CDH12: variants seen among roughly 807,000 people sequenced by gnomAD.
CDH12 encodes the protein cadherin 12, also known as cadherin-12.
CDH12 carries 41 observed loss-of-function variants against 74.1 expected under a neutral mutation model. The ratio of observed to expected loss-of-function variants is 0.55; its 90% CI spans 0.43 to 0.72. CDH12 has a LOEUF of 0.72. Ranked by LOEUF, CDH12 falls within the 30% of genes least tolerant of loss-of-function variation. CDH12 has a pLI of 0.00. For synonymous variants in CDH12, 399 were observed against 355.0 expected, an observed-to-expected ratio of 1.12 and a Z score of -1.39; for missense variants, 945 against 977.2, an observed-to-expected ratio of 0.97 and a Z score of 0.44.
At chr5:21,858,593 A>C (rs2150005263) in intron 6 of CDH12, among the ~76,000 whole-genome samples, 1 of 152,084 alleles carries the variant, frequency 6.6e-6, no homozygotes, top group African/African-American at 2.4e-5. Context: ...ACGATTTAAT[A>C]GTTTGTAATT....
intron 4 of CDH12, among the ~76,000 whole-genome samples, chr5:22,123,312 C>T (rs2150277919): frequency 6.6e-6 from 1 of 152,266 alleles, no homozygotes; most frequent in East Asian, 1.9e-4. Flanking sequence ...TGATCTTGGC[C>T]TTCCCAGCCT....
intron 1 of CDH12, among the ~76,000 whole-genome samples, chr5:22,756,519 CTTATT>C (rs1241332848): frequency 6.6e-6 from 1 of 151,964 alleles, no homozygotes; most frequent in East Asian, 1.9e-4. Context: ...TTTCAAAAGA[CTTATT>C]TTGTTATCCA....
Position 22,649,357 on chromosome 5 carries a change from C to T in CDH12, c.-522-143993G>A, listed in dbSNP as rs143510712. ...TGCCCAAGGCTAGGCAGAACTCTGA[C>T]TCAGATGAATGCTTTCCTTTCCAAG... On this transcript the variant is annotated intron_variant, in intron 1 of 14. Coordinates refer to ENST00000382254, the MANE Select transcript of CDH12 (RefSeq NM_004061.5). 1.9e-3 allele frequency among the ~76,000 whole-genome samples: 293 copies of T among 152,154 alleles called. 1 individual carries two copies. The highest frequency in any genetic ancestry group is 6.7e-3 in the African/African-American group (279 of 41,548).
Position 21,802,310 on chromosome 5 carries a change from C to T in CDH12, c.1113G>A (p.Val371=). The T allele has an allele frequency of 3.1e-6, 5 of 1,613,898 alleles. No homozygotes were observed. The highest frequency in any genetic ancestry group is 4.2e-6 in the Non-Finnish European group (5 of 1,179,954). The change falls in exon 10 of 15, where the codon GTG becomes GTA. Residue 371 remains valine, a synonymous_variant. Transcript: ENST00000382254. ...SAGPFKDTAT[V]KISVLDVDEP... ...CATCTACGTCCAGCACGCTGATCTT[C>T]ACCGTAGCTGTGTCTTTGAAAGGGC...
At chr5:22,608,658 T>C (rs568873774) in intron 1 of CDH12, among the ~76,000 whole-genome samples, 1 of 152,292 alleles carries the variant, frequency 6.6e-6, no homozygotes, top group East Asian at 1.9e-4. Context: ...TCACTTTGAA[T>C]TGTAACAATT....
intron 2 of CDH12, among the ~76,000 whole-genome samples, chr5:22,451,512 A>G (rs533289417): frequency 1.3e-5 from 2 of 152,042 alleles, no homozygotes; most frequent in South Asian, 4.1e-4. Flanking sequence ...CATTTAGTAA[A>G]CTTCAACATC....
At chr5:22,761,527 C>T (rs868479777) in intron 1 of CDH12, among the ~76,000 whole-genome samples, 6 of 152,066 alleles carry the variant, frequency 3.9e-5, no homozygotes, top group African/African-American at 1.4e-4. Flanking sequence ...TAAGCAGTAA[C>T]GTCTGCTCTT....
intron 5 of CDH12, among the ~76,000 whole-genome samples, chr5:22,013,881 T>A (rs1041899098): frequency 6.6e-6 from 1 of 152,090 alleles, no homozygotes; most frequent in African/African-American, 2.4e-5. Context: ...AATAATGAAG[T>A]AAGAAAAGAA....
At chr5:21,834,395 AAAATAT>A (rs1255969854) in intron 8 of CDH12, among the ~76,000 whole-genome samples, 1 of 151,912 alleles carries the variant, frequency 6.6e-6, no homozygotes, top group Non-Finnish European at 1.5e-5. Context: ...ATCTAGATTA[AAAATAT>A]TAGTAATGTC....
At chr5:21,797,749 G>A (rs1746870201) in intron 10 of CDH12, among the ~76,000 whole-genome samples, 1 of 152,052 alleles carries the variant, frequency 6.6e-6, no homozygotes. Context: ...TCACACCAGG[G>A]TCTTGACTGT....
chr5:22,053,729 C>A (rs956362186), intron 5 of CDH12, among the ~76,000 whole-genome samples: 1 of 152,196 alleles, frequency 6.6e-6, no homozygotes, highest in African/African-American at 2.4e-5. Flanking sequence ...GCAGAAAACA[C>A]TCGATGATAG....
chr5:22,130,608 A>G (rs1746127224), intron 4 of CDH12, among the ~76,000 whole-genome samples: 1 of 151,970 alleles, frequency 6.6e-6, no homozygotes, highest in South Asian at 2.1e-4. Context: ...CAAATCCCAG[A>G]TCCCACTGGA....
At chr5:22,523,860 A>G (rs1737153386) in intron 1 of CDH12, among the ~76,000 whole-genome samples, 1 of 152,134 alleles carries the variant, frequency 6.6e-6, no homozygotes, top group East Asian at 1.9e-4. Context: ...TAGGTACTGG[A>G]TTTAAGTCAG....
chr5:22,765,041 C>A (rs763514344), intron 1 of CDH12, among the ~76,000 whole-genome samples: 1 of 151,880 alleles, frequency 6.6e-6, no homozygotes, highest in Non-Finnish European at 1.5e-5. Context: ...AAATACATTA[C>A]AAATACATTA....
chr5:22,263,451 A>G (rs1023581885), intron 3 of CDH12, among the ~76,000 whole-genome samples: 11 of 152,110 alleles, frequency 7.2e-5, no homozygotes, highest in African/African-American at 2.7e-4. Flanking sequence ...ATAGAAAGCT[A>G]TTATAAAGTA....
chr5:21,813,805 A>C (rs1747886586), intron 9 of CDH12, among the ~76,000 whole-genome samples: 1 of 151,854 alleles, frequency 6.6e-6, no homozygotes, highest in Non-Finnish European at 1.5e-5. Context: ...TTTATTTTTC[A>C]CCTCACTGTA....
At chr5:22,803,301 C>CA (rs1554004230) in intron 1 of CDH12, among the ~76,000 whole-genome samples, 3 of 152,068 alleles carry the variant, frequency 2.0e-5, no homozygotes, top group Non-Finnish European at 4.4e-5. Flanking sequence ...GGGCCTACTA[C>CA]TATAATTAAA....
intron 1 of CDH12, among the ~76,000 whole-genome samples, chr5:22,689,034 A>G (rs1741950417): frequency 6.6e-6 from 1 of 152,196 alleles, no homozygotes; most frequent in Admixed American, 6.5e-5. Flanking sequence ...AATTAAAAGG[A>G]GAAATGTTAA....
chr5:21,921,365 TG>T (rs1754345133), intron 6 of CDH12, among the ~76,000 whole-genome samples: 1 of 152,254 alleles, frequency 6.6e-6, no homozygotes, highest in African/African-American at 2.4e-5. Context: ...CATCTGGTCC[TG>T]AAACTAATCT....
Sources: gnomAD v4.1 joint callset for allele counts (sites outside exome capture counted in the v4.1 genomes callset) on GRCh38, gnomAD v4.1.1 for gene constraint, MANE v1.5 for transcripts, NCBI Gene and HGNC (gene_info 2026-07-23, HGNC 2026-07-21) for gene names.